Variants in NEK7 observed in about 807,000 individuals in gnomAD.
NEK7 encodes serine/threonine-protein kinase Nek7.
A neutral mutation model predicts 44.6 loss-of-function variants in NEK7; 18 were observed. The ratio of observed to expected loss-of-function variants is 0.40; its 90% CI spans 0.28 to 0.60. The LOEUF is 0.60. NEK7 is among the 20% of genes least tolerant of loss of function. The pLI is 0.38. For synonymous variants in NEK7, 130 were observed against 121.1 expected, an observed-to-expected ratio of 1.07 and a Z score of -0.48; for missense variants, 256 against 366.5, an observed-to-expected ratio of 0.70 and a Z score of 2.46.
rs1406182255 is a variant in NEK7 at position 198,319,626 on chromosome 1, G to T, written c.*104G>T. On this transcript the variant is annotated 3_prime_UTR_variant, in exon 10 of 10. Transcript: ENST00000367385. ...TGTTAAGATTAATATTTCAGAGCTA[G>T]TGTGCTTTGAATCCTTAACCAGTTT... 2 of 1,326,260 alleles carry T rather than the reference G, an allele frequency of 1.5e-6. No homozygotes were observed. Among genetic ancestry groups the T allele is most frequent in the African/African-American group, 3.0e-5 (2 of 67,210 alleles). The allele number at this position is 1,326,260 out of a possible 1,614,324, so 82.2% of individuals were successfully genotyped here.
intron 1 of NEK7, among the ~76,000 whole-genome samples, chr1:198,157,888 A>G (rs563608364): frequency 1.3e-5 from 2 of 152,316 alleles, no homozygotes; most frequent in South Asian, 4.1e-4. Context: ...AATAGCGAAC[A>G]TTGCTGGTGA....
intron 9 of NEK7, among the ~76,000 whole-genome samples, chr1:198,318,015 C>T (rs887016727): frequency 1.3e-5 from 2 of 149,036 alleles, no homozygotes. Context: ...GTTCTCTGCT[C>T]TTTTGGAAGG....
chr1:198,306,271 T>A (rs1655023576), intron 9 of NEK7, among the ~76,000 whole-genome samples: 1 of 151,686 alleles, frequency 6.6e-6, no homozygotes, highest in Admixed American at 6.6e-5. Context: ...TCAGAGACCA[T>A]AAGGAGATAT....
At chr1:198,291,028 A>G (rs1654536420) in intron 7 of NEK7, among the ~76,000 whole-genome samples, 1 of 152,150 alleles carries the variant, frequency 6.6e-6, no homozygotes, top group Non-Finnish European at 1.5e-5. Flanking sequence ...TGTTGCAGTT[A>G]AGGTGTTATG....
chr1:198,167,804 G>C (rs951734685), intron 1 of NEK7, among the ~76,000 whole-genome samples: 1 of 152,122 alleles, frequency 6.6e-6, no homozygotes, highest in East Asian at 1.9e-4. Context: ...GGCCACGCTG[G>C]AAAGTGTTCA....
At chr1:198,313,991 T>C (rs906005314) in intron 9 of NEK7, among the ~76,000 whole-genome samples, 17 of 151,288 alleles carry the variant, frequency 1.1e-4, no homozygotes, top group Admixed American at 2.0e-4. Context: ...CCTTGCTAGA[T>C]TGGGGAAGTT....
At chr1:198,268,167 C>T (rs907578446) in intron 5 of NEK7, among the ~76,000 whole-genome samples, 5 of 150,944 alleles carry the variant, frequency 3.3e-5, no homozygotes, top group African/African-American at 1.2e-4. Flanking sequence ...AATGTTCTTA[C>T]GTTATAGCTG....
At chr1:198,203,261 T>A (rs1665489651) in intron 1 of NEK7, among the ~76,000 whole-genome samples, 1 of 152,196 alleles carries the variant, frequency 6.6e-6, no homozygotes, top group Non-Finnish European at 1.5e-5. Flanking sequence ...TGCTTGAAAC[T>A]GTCTTCCTGG....
intron 1 of NEK7, among the ~76,000 whole-genome samples, chr1:198,173,136 A>G (rs995350483): frequency 1.3e-5 from 2 of 152,040 alleles, no homozygotes; most frequent in African/African-American, 4.8e-5. Context: ...TTCCCACTTA[A>G]AAGTGCAGTT....
chr1:198,308,510 AT>A (rs1239272036), intron 9 of NEK7, among the ~76,000 whole-genome samples: 5 of 152,220 alleles, frequency 3.3e-5, no homozygotes, highest in African/African-American at 1.2e-4. Context: ...ACCCTGGTGA[AT>A]ATTTCTGATG....
chr1:198,223,824 A>AT (rs551037335), intron 1 of NEK7, among the ~76,000 whole-genome samples: 135 of 152,052 alleles, frequency 8.9e-4, no homozygotes, highest in Non-Finnish European at 1.5e-3. Flanking sequence ...GATTAATGTG[A>AT]TTTTTTTTAA....
intron 9 of NEK7, among the ~76,000 whole-genome samples, chr1:198,301,210 A>G (rs1654870445): frequency 6.6e-6 from 1 of 152,244 alleles, no homozygotes; most frequent in African/African-American, 2.4e-5. Context: ...TAAATAGAGA[A>G]GGCATAAGAA....
chr1:198,171,708 A>G (rs1664450271), intron 1 of NEK7, among the ~76,000 whole-genome samples: 1 of 151,702 alleles, frequency 6.6e-6, no homozygotes, highest in East Asian at 1.9e-4. Context: ...AACCTTTATG[A>G]TTTTGGCCTT....
chr1:198,304,297 A>T (rs759367594), intron 9 of NEK7, among the ~76,000 whole-genome samples: 4 of 152,210 alleles, frequency 2.6e-5, no homozygotes, highest in Admixed American at 6.5e-5. Context: ...GTGTAAGATT[A>T]CTTTCTTTTC....
intron 1 of NEK7, among the ~76,000 whole-genome samples, chr1:198,212,585 G>A (rs115535199): frequency 1.2e-4 from 18 of 152,202 alleles, no homozygotes; most frequent in African/African-American, 4.1e-4. Context: ...GTGCCTGCAC[G>A]TGGGGAGCCA....
At chr1:198,299,132 C>T (rs1304125003) in intron 9 of NEK7, among the ~76,000 whole-genome samples, 2 of 152,130 alleles carry the variant, frequency 1.3e-5, no homozygotes, top group African/African-American at 2.4e-5. Flanking sequence ...TGTGATTCCT[C>T]GTATTGGTAA....
At chr1:198,304,452 C>T (rs12096275) in intron 9 of NEK7, among the ~76,000 whole-genome samples, 2,498 of 152,072 alleles carry the variant, frequency 0.016, 78 homozygotes, top group African/African-American at 0.057. Flanking sequence ...TAAAATGTGT[C>T]CTTGGGTAGA....
At chr1:198,292,261 G>A (rs1300388052) in intron 7 of NEK7, among the ~76,000 whole-genome samples, 2 of 151,718 alleles carry the variant, frequency 1.3e-5, no homozygotes, top group Non-Finnish European at 2.9e-5. Context: ...AAAAGTATTA[G>A]CACATCAAAG....
At chr1:198,157,828 C>T (rs1663961450) in intron 1 of NEK7, among the ~76,000 whole-genome samples, 1 of 152,236 alleles carries the variant, frequency 6.6e-6, no homozygotes, top group South Asian at 2.1e-4. Context: ...GGAGAATGAA[C>T]TTGGGAGAGA....
Sources: gnomAD v4.1 joint callset for allele counts (sites outside exome capture counted in the v4.1 genomes callset) on GRCh38, gnomAD v4.1.1 for gene constraint, MANE v1.5 for transcripts, NCBI Gene and HGNC (gene_info 2026-07-23, HGNC 2026-07-21) for gene names.